The following NAV2 variants were observed in gnomAD, a reference collection of about 807,000 sequenced individuals.
NAV2 encodes helicase, APC down-regulated 1.
A neutral mutation model predicts 223.2 loss-of-function variants in NAV2; 54 were observed. The observed-to-expected ratio is 0.24, with a 90% CI of 0.19 to 0.30. The LOEUF is 0.30. NAV2 is among the 10% of genes least tolerant of loss of function. The probability of loss-of-function intolerance (pLI) is 1.00; values close to 1 mark genes in which losing one functional copy is unlikely to be tolerated. For missense variants in NAV2, 2,806 were observed against 3,147.5 expected, an observed-to-expected ratio of 0.89 and a Z score of 2.60; for synonymous variants, 1,279 against 1,239.3, an observed-to-expected ratio of 1.03 and a Z score of -0.67.
At chr11:19,688,002 C>G (rs1056450234) in intron 1 of NAV2, among the ~76,000 whole-genome samples, 1 of 152,200 alleles carries the variant, frequency 6.6e-6, no homozygotes, top group Non-Finnish European at 1.5e-5. Flanking sequence ...GCTACAGACT[C>G]TAGCACTGCA....
At chr11:19,880,268 A>G (rs746700164) in intron 5 of NAV2, 141 bp downstream of exon 5, 12 of 1,229,986 alleles carry the variant, frequency 9.8e-6, no homozygotes, top group Non-Finnish European at 1.2e-5. Context: ...GGAAATTAGC[A>G]TGGCCTTGAA....
intron 1 of NAV2, among the ~76,000 whole-genome samples, chr11:19,582,632 C>A (rs939277089): frequency 6.6e-6 from 1 of 152,274 alleles, no homozygotes; most frequent in South Asian, 2.1e-4. Flanking sequence ...AATCCTTTTG[C>A]CATTTCTAGT....
chr11:20,098,768 A>C (rs553294970), intron 31 of NAV2, among the ~76,000 whole-genome samples: 3 of 152,218 alleles, frequency 2.0e-5, no homozygotes, highest in Non-Finnish European at 4.4e-5. Context: ...AAACAGACTC[A>C]AAAGTAGCTG....
At chr11:20,003,745 G>A (rs1015673657) in intron 11 of NAV2, among the ~76,000 whole-genome samples, 2 of 152,204 alleles carry the variant, frequency 1.3e-5, no homozygotes. Context: ...GGACAGGCCA[G>A]ACCAGGGCTG....
At chr11:19,501,069 T>C (rs766220389) in intron 1 of NAV2, among the ~76,000 whole-genome samples, 2 of 152,180 alleles carry the variant, frequency 1.3e-5, no homozygotes, top group Non-Finnish European at 2.9e-5. Flanking sequence ...CATTCCTTTG[T>C]TCATGGCTCC....
At chr11:20,006,452 G>A (rs12418657) in intron 11 of NAV2, among the ~76,000 whole-genome samples, 6,721 of 152,140 alleles carry the variant, frequency 0.044, 288 homozygotes, top group Admixed American at 0.077. Context: ...TGAGGTGGGT[G>A]GATCATGAGG....
chr11:20,045,561 T>G lies in NAV2; in HGVS notation c.3793T>G (p.Cys1265Gly). The G allele has an allele frequency of 6.2e-7, 1 of 1,614,136 alleles. No individual in the cohort carries two copies. Among genetic ancestry groups the G allele is most frequent in the African/African-American group, 1.3e-5 (1 of 75,020 alleles). The change falls in exon 14 of 38, where the codon TGT becomes GGT. Residue 1265 changes from cysteine (C) to glycine (G), a missense_variant. Around this residue, in one of 4 missense-constraint regions of NAV2, gnomAD observed 742 missense variants for 777.9 expected, o/e 0.95. Coordinates refer to ENST00000349880, the MANE Select transcript of NAV2 (RefSeq NM_145117.5). ...ATCAGACAACGAGAGTGTGGCTTCC[T>G]GTAACTCGGTGAAAGTGAATCCGGC... ...ISSDNESVASCNSVKVNPAAQ... is the reference protein window; with the variant it reads ...ISSDNESVASGNSVKVNPAAQ...
rs533027021 is a variant in NAV2, at chr11:19,526,896, ATTC to A, written c.75+175876_75+175878del. On this transcript the variant is annotated intron_variant, in intron 1 of 37. Coordinates refer to the NAV2 transcript ENST00000360655. ...AGACCTTGGGAGTAAGGTAGTGGTA[ATTC>A]TTCTTCATCCCAGCTTTCCTTCTCA... Among the ~76,000 whole-genome samples, 28 of 152,260 alleles carry A rather than the reference ATTC, an allele frequency of 1.8e-4. No homozygotes were observed. The South Asian group carries it at 5.8e-3, about 32-fold the overall frequency.
rs1277010848 is a variant in NAV2 at position 20,005,253 on chromosome 11, A to ATATATTTTTT, written c.2768+21007_2768+21008insATATTTTTTT. 2.6e-3 allele frequency among the ~76,000 whole-genome samples: 351 copies of ATATATTTTTT among 134,468 alleles called. 5 individuals carry two copies. Among genetic ancestry groups the ATATATTTTTT allele is most frequent in the Admixed American group, 0.012 (167 of 13,414 alleles). The allele number at this position is 134,468 out of a possible 152,430, so 88.2% of individuals were successfully genotyped here. ...GAGTTTTAATCATATATATATATAT[A>ATATATTTTTT]TTTTTTTTTTTTTTTGAGATGGAGT... On this transcript the variant is annotated intron_variant, in intron 11 of 37. Transcript: ENST00000349880.
chr11:19,622,867 C>G (rs1248518811), intron 1 of NAV2, among the ~76,000 whole-genome samples: 2 of 152,174 alleles, frequency 1.3e-5, no homozygotes, highest in East Asian at 3.8e-4. Flanking sequence ...CATCGATGGT[C>G]TTTACAATTT....
chr11:19,574,724 G>A (rs772834751), intron 1 of NAV2, among the ~76,000 whole-genome samples: 4 of 152,176 alleles, frequency 2.6e-5, no homozygotes, highest in Admixed American at 6.5e-5. Flanking sequence ...GTTAGAATTA[G>A]GTAGAGAGAA....
At chr11:19,994,647 A>G (rs747631171) in intron 11 of NAV2, among the ~76,000 whole-genome samples, 4 of 152,196 alleles carry the variant, frequency 2.6e-5, no homozygotes, top group Non-Finnish European at 4.4e-5. Flanking sequence ...AGCCCAGAAT[A>G]TAAGGCACTT....
chr11:19,571,039 T>A (rs2045410483), intron 1 of NAV2, among the ~76,000 whole-genome samples: 1 of 152,208 alleles, frequency 6.6e-6, no homozygotes, highest in Non-Finnish European at 1.5e-5. Context: ...AACCCAAATG[T>A]CTATCAACAG....
At chr11:19,800,432 A>G (rs1219830532) in intron 1 of NAV2, among the ~76,000 whole-genome samples, 1 of 152,226 alleles carries the variant, frequency 6.6e-6, no homozygotes, top group Non-Finnish European at 1.5e-5. Flanking sequence ...TTTGAGAAGC[A>G]AGAAAAACTT....
intron 1 of NAV2, among the ~76,000 whole-genome samples, chr11:19,649,572 T>A (rs555884915): frequency 6.6e-6 from 1 of 152,036 alleles, no homozygotes; most frequent in Admixed American, 6.6e-5. Context: ...AGTGGAGGGG[T>A]CTCTCTGGGG....
intron 1 of NAV2, among the ~76,000 whole-genome samples, chr11:19,396,538 A>T (rs1417220206): frequency 2.0e-5 from 3 of 152,022 alleles, no homozygotes; most frequent in African/African-American, 7.2e-5. Context: ...ACACTATGAG[A>T]TCCATGAAGT....
chr11:19,547,125 C>A (rs2044526186), intron 1 of NAV2, among the ~76,000 whole-genome samples: 1 of 152,234 alleles, frequency 6.6e-6, no homozygotes, highest in Non-Finnish European at 1.5e-5. Context: ...TCCTGCCCTG[C>A]ACATGGCAAC....
intron 1 of NAV2, among the ~76,000 whole-genome samples, chr11:19,379,285 G>A (rs55861306): frequency 6.6e-6 from 1 of 152,108 alleles, no homozygotes; most frequent in Non-Finnish European, 1.5e-5. Context: ...ACTAAGGGAA[G>A]TAATAAGGTG....
rs765563181 is a variant in NAV2 at position 20,114,678 on chromosome 11, G to C, written c.7047G>C (p.Glu2349Asp). The C allele has an allele frequency of 1.2e-6, 2 of 1,614,210 alleles. No homozygotes were observed. Among genetic ancestry groups the C allele is most frequent in the East Asian group, 4.5e-5 (2 of 44,880 alleles). The change falls in exon 37 of 38, where the codon GAG becomes GAC. Residue 2349 changes from glutamate to aspartate, a missense_variant. This residue lies in a region of NAV2 where 824 missense variants were observed against 1,069.4 expected (regional missense o/e 0.77). Coordinates refer to ENST00000349880, the MANE Select transcript of NAV2 (RefSeq NM_145117.5). ...GGGCAGCCAGCCCACAACAGCACGA[G>C]TGGCCTCCCCTGCTGCAGTTACGGC... ...YPWAASPQQH[E>D]WPPLLQLRPE...
Sources: gnomAD v4.1 joint callset for allele counts (sites outside exome capture counted in the v4.1 genomes callset) on GRCh38, gnomAD v4.1.1 for gene constraint, gnomAD v4.1.1 regional missense constraint, MANE v1.5 for transcripts, NCBI Gene and HGNC (gene_info 2026-07-23, HGNC 2026-07-21) for gene names.